CDR2: variants seen among roughly 807,000 people sequenced by gnomAD.
CDR2 encodes cerebellar degeneration related protein 2.
A neutral mutation model predicts 48.4 loss-of-function variants in CDR2; 34 were observed. The ratio of observed to expected loss-of-function variants is 0.70; its 90% CI spans 0.53 to 0.94. The LOEUF (loss-of-function observed/expected upper bound fraction) is 0.94, where lower values mean the gene tolerates loss of function less well. CDR2 is among the 40% of genes least tolerant of loss of function. The pLI is 0.00. For synonymous variants in CDR2, 240 were observed against 219.7 expected, an observed-to-expected ratio of 1.09 and a Z score of -0.82; for missense variants, 498 against 549.5, an observed-to-expected ratio of 0.91 and a Z score of 0.94.
intron 1 of CDR2, among the ~76,000 whole-genome samples, chr16:22,371,476 C>A (rs965954123): frequency 6.6e-6 from 1 of 152,200 alleles, no homozygotes; most frequent in African/African-American, 2.4e-5. Context: ...CTGGAACATT[C>A]ACTCTATGGG....
chr16:22,356,059 A>G (rs1266001401), intron 2 of CDR2, among the ~76,000 whole-genome samples: 3 of 152,220 alleles, frequency 2.0e-5, no homozygotes, highest in Non-Finnish European at 4.4e-5. Context: ...TACTGCCTAC[A>G]TTCATCACTA....
chr16:22,348,659 T>C (rs1025207168), intron 4 of CDR2, among the ~76,000 whole-genome samples: 2 of 152,224 alleles, frequency 1.3e-5, no homozygotes, highest in African/African-American at 2.4e-5. Context: ...TATTTGCATT[T>C]TGAAAAACCC....
At chr16:22,357,590 G>C (rs61324392) in intron 2 of CDR2, among the ~76,000 whole-genome samples, 4,816 of 152,212 alleles carry the variant, frequency 0.032, 167 homozygotes, top group East Asian at 0.11. Context: ...TTCTCTCCCC[G>C]CTTTTCCATT....
chr16:22,349,738 C>G lies in CDR2; in HGVS notation c.304G>C (p.Val102Leu), dbSNP rs1451391822. 2 of 1,614,026 alleles carry G rather than the reference C, an allele frequency of 1.2e-6. No homozygotes were observed. Among genetic ancestry groups the G allele is most frequent in the African/African-American group, 1.3e-5 (1 of 74,914 alleles). The change falls in exon 3 of 5, where the codon GTT becomes CTT. Residue 102 changes from valine to leucine, a missense_variant. By Grantham distance (32) the Val-to-Leu change is conservative. Coordinates refer to ENST00000268383, the MANE Select transcript of CDR2 (RefSeq NM_001802.2). ...TGCTGTGAGGCCTTGCTGTCAGCAA[C>G]TAGCTTTTGATTTGTTTCTTCCAGT... Reference protein sequence around the residue: ...RELEETNQKLVADSKASQQKI... With the variant: ...RELEETNQKLLADSKASQQKI...
intron 1 of CDR2, 101 bp downstream of exon 1, chr16:22,374,130 C>A: frequency 4.0e-6 from 3 of 744,678 alleles, no homozygotes; most frequent in South Asian, 1.6e-5. Context: ...TTCCCGGCAC[C>A]TGCATCCTCC....
Position 22,347,832 on chromosome 16 carries a change from A to G in CDR2, c.507-9T>C. The G allele has an allele frequency of 6.3e-7, 1 of 1,596,774 alleles. No individual in the cohort carries two copies. The highest frequency in any genetic ancestry group is 8.5e-7 in the Non-Finnish European group (1 of 1,171,078). On this transcript the variant is annotated splice_polypyrimidine_tract_variant and intron_variant, in intron 4 of 4. Coordinates refer to ENST00000268383, the MANE Select transcript of CDR2 (RefSeq NM_001802.2). Reference sequence around the variant, plus strand: ...GATCATACACGAAGTGTCTAGGGAAAAAAATATTGAAAGAATATATTACAC... The same window carrying G: ...GATCATACACGAAGTGTCTAGGGAAGAAAATATTGAAAGAATATATTACAC...
chr16:22,349,273 T>A lies in CDR2; in HGVS notation c.506+6A>T, dbSNP rs199522163. On this transcript the variant is annotated splice_donor_region_variant and intron_variant, in intron 4 of 4. Coordinates refer to ENST00000268383, the MANE Select transcript of CDR2 (RefSeq NM_001802.2). ...GCTGTAACTCCACAGAAAGGCAGGC[T>A]CTTACTGGCGGAGGTCATACAGCTC... 38 of 1,614,098 alleles carry A rather than the reference T, an allele frequency of 2.4e-5. 1 individual carries two copies. In the East Asian group the frequency reaches 8.5e-4, roughly 36 times the overall value.
chr16:22,370,222 T>C (rs1250654478), intron 1 of CDR2, among the ~76,000 whole-genome samples: 1 of 152,192 alleles, frequency 6.6e-6, no homozygotes, highest in Non-Finnish European at 1.5e-5. Context: ...AAATGCGTCA[T>C]TTAGTGATGC....
chr16:22,349,967 T>G, intron 2 of CDR2, 118 bp from the exon 3 acceptor site: 2 of 847,632 alleles, frequency 2.4e-6, no homozygotes, highest in East Asian at 5.0e-5. Flanking sequence ...GACGTGTGGA[T>G]CACCTGAGGT....
At chr16:22,358,624 G>C (rs1294930743) in intron 2 of CDR2, among the ~76,000 whole-genome samples, 1 of 152,210 alleles carries the variant, frequency 6.6e-6, no homozygotes, top group Non-Finnish European at 1.5e-5. Flanking sequence ...CTTGTAAGCA[G>C]TGTTGGGATT....
Position 22,349,803 on chromosome 16 carries a change from TG to T in CDR2, c.238del (p.His80MetfsTer8). 1.2e-6 allele frequency: 2 copies of T among 1,614,092 alleles called. No individual in the cohort carries two copies. The highest frequency in any genetic ancestry group is 1.7e-6 in the Non-Finnish European group (2 of 1,179,928). On this transcript the variant is annotated frameshift_variant, in exon 3 of 5. Coordinates refer to ENST00000268383, the MANE Select transcript of CDR2 (RefSeq NM_001802.2). LOFTEE classifies it high-confidence loss of function. Reference sequence around the variant, plus strand: ...GTCTAATTGTTCATAAACCTTTGCATGTTGTTCGTTCATCTGCCGTAGAAGT... The same window carrying T: ...GTCTAATTGTTCATAAACCTTTGCATTTGTTCGTTCATCTGCCGTAGAAGT... The part of the protein sequence containing the change: ...VELLRQMNEQ[H>X]AKVYEQLDVT...
chr16:22,373,304 C>A (rs372429798), intron 1 of CDR2, among the ~76,000 whole-genome samples: 1 of 152,182 alleles, frequency 6.6e-6, no homozygotes, highest in Non-Finnish European at 1.5e-5. Flanking sequence ...TGAAAGCTGG[C>A]GTGCAAACTG....
intron 1 of CDR2, among the ~76,000 whole-genome samples, chr16:22,369,300 AAG>A (rs1491314438): frequency 1.2e-4 from 17 of 146,006 alleles, no homozygotes; most frequent in African/African-American, 4.4e-4. Context: ...AAAAAAAAAA[AAG>A]AAAAAAAACA....
chr16:22,348,892 A>G (rs1307228784), intron 4 of CDR2, among the ~76,000 whole-genome samples: 1 of 152,256 alleles, frequency 6.6e-6, no homozygotes, highest in African/African-American at 2.4e-5. Flanking sequence ...CTTCTTAAAG[A>G]TTCAGACTTA....
chr16:22,350,822 G>A (rs1308768144), intron 2 of CDR2, among the ~76,000 whole-genome samples: 4 of 152,088 alleles, frequency 2.6e-5, no homozygotes, highest in Non-Finnish European at 5.9e-5. Flanking sequence ...TGGAACATGT[G>A]ATCAAAGTTT....
chr16:22,368,670 A>T (rs1364787151), intron 1 of CDR2: 3 of 152,128 alleles, frequency 2.0e-5, no homozygotes, highest in Non-Finnish European at 4.4e-5. Flanking sequence ...ACAGGTTCTC[A>T]CTCTCACTCT....
At chr16:22,366,204 C>G (rs760393037) in intron 1 of CDR2, among the ~76,000 whole-genome samples, 6 of 152,100 alleles carry the variant, frequency 3.9e-5, no homozygotes, top group African/African-American at 9.7e-5. Context: ...AAATGAGTAA[C>G]TAAACTCACA....
intron 1 of CDR2, among the ~76,000 whole-genome samples, chr16:22,368,201 T>C (rs985397167): frequency 6.6e-6 from 1 of 152,202 alleles, no homozygotes; most frequent in South Asian, 2.1e-4. Context: ...GTCTTTTTCT[T>C]GTCATTATTT....
chr16:22,366,163 G>A (rs771679783), intron 1 of CDR2, among the ~76,000 whole-genome samples: 3 of 152,230 alleles, frequency 2.0e-5, no homozygotes, highest in Non-Finnish European at 4.4e-5. Context: ...CTGCTTTGCT[G>A]ACATTCCCAG....
Sources: allele counts gnomAD v4.1 joint callset (sites outside exome capture counted in the v4.1 genomes callset), GRCh38; gene constraint gnomAD v4.1.1; transcripts MANE v1.5; gene names NCBI Gene and HGNC (gene_info 2026-07-23, HGNC 2026-07-21).